KCNN3: variants seen among roughly 807,000 people sequenced by gnomAD.
The protein encoded by KCNN3 is small conductance calcium-activated potassium channel protein 3.
In KCNN3, 16 loss-of-function variants were observed where a neutral mutation model predicts 62.9. The observed-to-expected ratio is 0.25, with a 90% CI of 0.17 to 0.39. The LOEUF is 0.39. Ranked by LOEUF, KCNN3 falls within the 10% of genes least tolerant of loss-of-function variation. KCNN3 has a pLI of 1.00. For synonymous variants in KCNN3, 370 were observed against 389.2 expected, an observed-to-expected ratio of 0.95 and a Z score of 0.58; for missense variants, 599 against 949.4, an observed-to-expected ratio of 0.63 and a Z score of 4.85.
At chr1:154,849,861 A>C (rs976772071) in intron 1 of KCNN3, among the ~76,000 whole-genome samples, 1 of 152,162 alleles carries the variant, frequency 6.6e-6, no homozygotes, top group Non-Finnish European at 1.5e-5. Context: ...GCCTCTCCAC[A>C]TTAAAGGACT....
intron 1 of KCNN3, among the ~76,000 whole-genome samples, chr1:154,855,088 C>T (rs992285297): frequency 3.3e-5 from 5 of 151,988 alleles, no homozygotes; most frequent in African/African-American, 4.8e-5. Context: ...TGTGATGGCA[C>T]GTGCCTATAA....
At chr1:154,766,966 C>T (rs1648325427) in intron 3 of KCNN3, among the ~76,000 whole-genome samples, 1 of 152,074 alleles carries the variant, frequency 6.6e-6, no homozygotes, top group African/African-American at 2.4e-5. Flanking sequence ...CAGGCGTGAG[C>T]CACCGAGCCT....
At chr1:154,767,362 G>A (rs1648343625) in intron 3 of KCNN3, among the ~76,000 whole-genome samples, 1 of 152,212 alleles carries the variant, frequency 6.6e-6, no homozygotes, top group Non-Finnish European at 1.5e-5. Context: ...TGGAGCCTCA[G>A]GAGGGACCAA....
At chr1:154,743,301 T>C (rs1700865364) in intron 3 of KCNN3, among the ~76,000 whole-genome samples, 1 of 152,228 alleles carries the variant, frequency 6.6e-6, no homozygotes, top group African/African-American at 2.4e-5. Context: ...TCCCTGCTTC[T>C]GCCTGGGCGA....
Position 154,708,082 on chromosome 1 carries a change from C to A in KCNN3, c.2090G>T (p.Gly697Val), listed in dbSNP as rs1381597874. 6.2e-7 allele frequency: 1 copy of A among 1,613,888 alleles called. No individual in the cohort carries two copies. The highest frequency in any genetic ancestry group is 8.5e-7 in the Non-Finnish European group (1 of 1,179,902). ...GGTGGTGCCCACTGCCACGCTGACA[C>A]CCCGGGCCTCGATGATGGCAGACAG... Reference protein sequence around the residue: ...QLLSAIIEARGVSVAVGTTHT... With the variant: ...QLLSAIIEARVVSVAVGTTHT... The change falls in exon 8 of 8, where the codon GGT becomes GTT. Residue 697 changes from glycine to valine, a missense_variant. Gly to Val is a moderately radical substitution (Grantham distance 109). This residue lies in a region of KCNN3 where 52 missense variants were observed against 53.3 expected (regional missense o/e 0.98). Transcript: ENST00000271915.
intron 3 of KCNN3, among the ~76,000 whole-genome samples, chr1:154,733,367 G>C (rs1428431148): frequency 3.3e-5 from 5 of 152,168 alleles, no homozygotes; most frequent in African/African-American, 1.2e-4. Context: ...CCATGAGCTT[G>C]GTCCCAGAGA....
At chr1:154,773,431 A>G (rs1183768480) in intron 2 of KCNN3, among the ~76,000 whole-genome samples, 1 of 152,232 alleles carries the variant, frequency 6.6e-6, no homozygotes. Context: ...AAACCTGAGA[A>G]GGGCGTCCTG....
chr1:154,718,536 AACTCTCTGAG>A (rs1159435766), intron 5 of KCNN3, among the ~76,000 whole-genome samples: 1 of 152,248 alleles, frequency 6.6e-6, no homozygotes, highest in Non-Finnish European at 1.5e-5. Context: ...CCCACTGCTG[AACTCTCTGAG>A]ACTCTCTTTG....
At chr1:154,807,624 GA>G (rs1650234852) in intron 2 of KCNN3, among the ~76,000 whole-genome samples, 1 of 152,250 alleles carries the variant, frequency 6.6e-6, no homozygotes, top group Admixed American at 6.5e-5. Flanking sequence ...TGCTGGAGAA[GA>G]GTGTATTTTT....
intron 2 of KCNN3, among the ~76,000 whole-genome samples, chr1:154,796,063 G>A (rs921581006): frequency 7.9e-5 from 12 of 152,182 alleles, no homozygotes; most frequent in African/African-American, 2.9e-4. Flanking sequence ...GTGCAGAAAG[G>A]GTGAGGAGGC....
At chr1:154,780,890 A>G (rs1649014471) in intron 2 of KCNN3, among the ~76,000 whole-genome samples, 1 of 152,216 alleles carries the variant, frequency 6.6e-6, no homozygotes, top group Non-Finnish European at 1.5e-5. Context: ...GAGGCCAGCC[A>G]GTGAACAGGC....
chr1:154,868,827 T>C (rs1485174806), intron 1 of KCNN3, among the ~76,000 whole-genome samples: 3 of 151,776 alleles, frequency 2.0e-5, no homozygotes, highest in Non-Finnish European at 4.4e-5. Flanking sequence ...AGTTAGAGTG[T>C]TGAATATAAC....
chr1:154,751,897 A>C (rs972675853), intron 3 of KCNN3, among the ~76,000 whole-genome samples: 2 of 152,226 alleles, frequency 1.3e-5, no homozygotes, highest in African/African-American at 4.8e-5. Flanking sequence ...GGAACAAAGG[A>C]GAAGCATCGA....
rs147911923 is a variant in KCNN3, at chr1:154,737,763, A to G, written c.1449-4619T>C. On this transcript the variant is annotated intron_variant, in intron 3 of 7. Coordinates refer to ENST00000271915, the MANE Select transcript of KCNN3 (RefSeq NM_002249.6). The stretch of plus-strand genomic sequence containing the variant: ...AGAAAAAGACAAAGAATGAAAATGA[A>G]AGAAAATATGAAGTTAGGCATTGTG... Among the ~76,000 whole-genome samples the G allele has an allele frequency of 2.4e-3, 364 of 152,302 alleles. 1 individual carries two copies. Among genetic ancestry groups the G allele is most frequent in the African/African-American group, 8.0e-3 (331 of 41,568 alleles).
At chr1:154,769,103 A>C (rs7547552) in intron 3 of KCNN3, among the ~76,000 whole-genome samples, 50,954 of 151,302 alleles carry the variant, frequency 0.34, 9,524 homozygotes, top group East Asian at 0.64. Flanking sequence ...ATGAGCCTTC[A>C]TGTCCAATTC....
chr1:154,837,784 G>A (rs1041871135), intron 1 of KCNN3, among the ~76,000 whole-genome samples: 1 of 152,168 alleles, frequency 6.6e-6, no homozygotes, highest in African/African-American at 2.4e-5. Context: ...CAGATGTCAC[G>A]GGCTACCAGG....
chr1:154,829,977 C>T (rs1029286063), intron 1 of KCNN3, among the ~76,000 whole-genome samples: 21 of 152,258 alleles, frequency 1.4e-4, no homozygotes, highest in African/African-American at 5.1e-4. Flanking sequence ...CCCCAGAGGG[C>T]AGGGAATTTT....
chr1:154,722,517 A>C (rs767613840), intron 5 of KCNN3, among the ~76,000 whole-genome samples: 4 of 149,318 alleles, frequency 2.7e-5, no homozygotes, highest in Non-Finnish European at 5.9e-5. Context: ...TCTCCCGAGT[A>C]CCTGGGGCTA....
chr1:154,745,888 C>T (rs1700926454), intron 3 of KCNN3, among the ~76,000 whole-genome samples: 1 of 152,060 alleles, frequency 6.6e-6, no homozygotes, highest in Non-Finnish European at 1.5e-5. Context: ...GCATGTCTTC[C>T]ACGGTATCTG....
Sources: allele counts gnomAD v4.1 joint callset (sites outside exome capture counted in the v4.1 genomes callset), GRCh38; gene constraint gnomAD v4.1.1; regional missense constraint gnomAD v4.1.1; transcripts MANE v1.5; gene names NCBI Gene and HGNC (gene_info 2026-07-23, HGNC 2026-07-21).